Variants in MAST4 observed in about 807,000 individuals in gnomAD.
MAST4 encodes microtubule-associated serine/threonine-protein kinase 4.
A neutral mutation model predicts 162.7 loss-of-function variants in MAST4; 89 were observed. The ratio of observed to expected loss-of-function variants is 0.55; its 90% confidence interval spans 0.46 to 0.65. The LOEUF is 0.65. Ranked by LOEUF, MAST4 falls within the 30% of genes least tolerant of loss-of-function variation. The pLI is 0.00. For synonymous variants in MAST4, 1,479 were observed against 1,361.1 expected, an observed-to-expected ratio of 1.09 and a Z score of -1.91; for missense variants, 3,153 against 3,374.0, an observed-to-expected ratio of 0.93 and a Z score of 1.62.
chr5:67,141,305 A>T (rs964862361), intron 19 of MAST4, among the ~76,000 whole-genome samples: 3 of 152,114 alleles, frequency 2.0e-5, no homozygotes, highest in Non-Finnish European at 4.4e-5. Context: ...ATTCTTTGTT[A>T]TCTCTCTCTT....
intron 1 of MAST4, among the ~76,000 whole-genome samples, chr5:66,685,720 A>C (rs1748613755): frequency 6.6e-6 from 1 of 152,136 alleles, no homozygotes; most frequent in African/African-American, 2.4e-5. Flanking sequence ...CTATACAAAG[A>C]GATGTGCTTT....
At position 67,163,678 on chromosome 5, in the gene MAST4, G is replaced by A. The variant is rs2151126677; in HGVS notation, c.4499G>A (p.Ser1500Asn). ...AACGTGTGCGACGTGCCGCCGCTCA[G>A]CCGCGCCCGGCCAGTGGAGCAAGGC... ...DENVCDVPPL[S>N]RARPVEQGCL... is the part of the protein sequence containing the mutation. Residue 1500 changes from serine (S) to asparagine (N), a missense_variant, in exon 29 of 29, where the codon AGC (serine) becomes AAC (asparagine). Physicochemically the swap from Ser to Asn is conservative, Grantham distance 46. Transcript: ENST00000403625. The surrounding 1 kb of genome is among the most constrained non-coding windows in gnomAD (Gnocchi z 7.0). 2 of 1,608,532 alleles carry A rather than the reference G, an allele frequency of 1.2e-6. No homozygotes were observed. The highest frequency in any genetic ancestry group is 1.3e-5 in the African/African-American group (1 of 75,004).
chr5:66,863,609 C>G (rs1760272312), intron 3 of MAST4, among the ~76,000 whole-genome samples: 1 of 152,064 alleles, frequency 6.6e-6, no homozygotes, highest in South Asian at 2.1e-4. Context: ...CTTTCTTCTT[C>G]TTCCTTTTTC....
At chr5:67,015,855 G>A (rs923528235) in intron 4 of MAST4, among the ~76,000 whole-genome samples, 2 of 152,212 alleles carry the variant, frequency 1.3e-5, no homozygotes, top group Non-Finnish European at 1.5e-5. Flanking sequence ...GCTTGTGGAT[G>A]AGGCTGAATC....
At chr5:66,784,191 G>C (rs888862115) in intron 2 of MAST4, among the ~76,000 whole-genome samples, 2 of 146,848 alleles carry the variant, frequency 1.4e-5, no homozygotes, top group African/African-American at 2.5e-5. Flanking sequence ...CCCTGACCTG[G>C]GCCATAGGAA....
At chr5:66,751,777 T>A (rs1382384545) in intron 1 of MAST4, among the ~76,000 whole-genome samples, 1 of 149,516 alleles carries the variant, frequency 6.7e-6, no homozygotes, top group Non-Finnish European at 1.5e-5. Context: ...ACGTTCAGAT[T>A]CAGGAAATAC....
chr5:66,932,580 T>G (rs1475602739), intron 4 of MAST4, among the ~76,000 whole-genome samples: 1 of 152,194 alleles, frequency 6.6e-6, no homozygotes, highest in Non-Finnish European at 1.5e-5. Flanking sequence ...CTGATTCTTA[T>G]TTAAGGCCAG....
At chr5:66,831,436 A>G (rs1757589892) in intron 3 of MAST4, among the ~76,000 whole-genome samples, 2 of 152,210 alleles carry the variant, frequency 1.3e-5, no homozygotes, top group Non-Finnish European at 2.9e-5. Flanking sequence ...CTAATTCTCA[A>G]ATCTAATTTT....
At chr5:67,024,876 C>T (rs7728356) in intron 4 of MAST4, among the ~76,000 whole-genome samples, 4,433 of 151,460 alleles carry the variant, frequency 0.029, 184 homozygotes, top group African/African-American at 0.089. Flanking sequence ...AATGAAACAG[C>T]GTAATGAGAT....
intron 4 of MAST4, among the ~76,000 whole-genome samples, chr5:66,920,737 C>T (rs144650198): frequency 6.6e-6 from 1 of 152,086 alleles, no homozygotes; most frequent in Non-Finnish European, 1.5e-5. Flanking sequence ...GAGATCCGCC[C>T]ACCTCAGCCT....
chr5:66,617,858 C>T (rs1743802286), intron 1 of MAST4, among the ~76,000 whole-genome samples: 1 of 152,204 alleles, frequency 6.6e-6, no homozygotes, highest in Admixed American at 6.5e-5. Context: ...AAAGACAATG[C>T]TCAGGAAGGC....
At chr5:66,862,389 T>C (rs1760183352) in intron 3 of MAST4, among the ~76,000 whole-genome samples, 1 of 152,212 alleles carries the variant, frequency 6.6e-6, no homozygotes, top group East Asian at 1.9e-4. Flanking sequence ...GGCTGACATA[T>C]GTGCTGCAGT....
chr5:66,646,031 G>C (rs1290941110), intron 1 of MAST4, among the ~76,000 whole-genome samples: 2 of 152,136 alleles, frequency 1.3e-5, no homozygotes, highest in Non-Finnish European at 2.9e-5. Context: ...AGGTTGAAAT[G>C]TTCAGGAATT....
At chr5:67,068,732 T>A (rs1760546727) in intron 5 of MAST4, among the ~76,000 whole-genome samples, 1 of 152,148 alleles carries the variant, frequency 6.6e-6, no homozygotes, top group Non-Finnish European at 1.5e-5. Flanking sequence ...TGTTGTGATA[T>A]TTATCATTTA....
At chr5:66,965,586 GC>G (rs1332421293) in intron 4 of MAST4, among the ~76,000 whole-genome samples, 7 of 99,296 alleles carry the variant, frequency 7.0e-5, no homozygotes, top group African/African-American at 1.8e-4. Flanking sequence ...ATTGGTGGGG[GC>G]GGGGGGGGGG....
chr5:66,861,223 C>A (rs1029053903), intron 3 of MAST4, among the ~76,000 whole-genome samples: 66 of 152,066 alleles, frequency 4.3e-4, no homozygotes, highest in African/African-American at 1.3e-3. Flanking sequence ...TGCTTTCATT[C>A]AAAAATGTAA....
At chr5:67,111,698 G>A (rs1200755393) in intron 11 of MAST4, among the ~76,000 whole-genome samples, 1 of 152,142 alleles carries the variant, frequency 6.6e-6, no homozygotes, top group East Asian at 1.9e-4. Context: ...GTGTCATTTA[G>A]CATTAAAACC....
intron 4 of MAST4, among the ~76,000 whole-genome samples, chr5:66,970,069 G>T (rs1039070164): frequency 1.1e-4 from 16 of 152,264 alleles, no homozygotes; most frequent in African/African-American, 3.9e-4. Context: ...GCAGAGATGA[G>T]CCTGATTATG....
intron 1 of MAST4, among the ~76,000 whole-genome samples, chr5:66,614,637 A>G (rs981062533): frequency 6.6e-6 from 1 of 152,114 alleles, no homozygotes; most frequent in Non-Finnish European, 1.5e-5. Flanking sequence ...GGGACTTTCA[A>G]TTTTCTCCTT....
Sources: gnomAD v4.1 joint callset for allele counts (sites outside exome capture counted in the v4.1 genomes callset) on GRCh38, gnomAD v4.1.1 for gene constraint, Gnocchi (gnomAD v3.1) non-coding constraint, MANE v1.5 for transcripts, NCBI Gene and HGNC (gene_info 2026-07-23, HGNC 2026-07-21) for gene names.